The following FAM234A variants were observed in gnomAD, a reference collection of about 807,000 sequenced individuals.
FAM234A encodes the protein protein FAM234A.
Under a neutral mutation model 49.1 loss-of-function variants are expected in FAM234A, and 42 were observed. The ratio of observed to expected loss-of-function variants is 0.86; its 90% CI spans 0.67 to 1.11. The LOEUF is 1.11. Ranked by LOEUF, FAM234A falls within the 50% of genes least tolerant of loss-of-function variation. The pLI is 0.00. For synonymous variants in FAM234A, 369 were observed against 316.2 expected (o/e 1.17, Z -1.77); for missense variants, 815 against 745.2 (o/e 1.09, Z -1.09).
intron 8 of FAM234A, among the ~76,000 whole-genome samples, chr16:262,883 G>A (rs1225255813): frequency 6.7e-5 from 10 of 149,268 alleles, no homozygotes; most frequent in Middle Eastern, 3.4e-3. Flanking sequence ...GCAGTGGTGC[G>A]ATCTCGGTTC....
chr16:265,448 TC>T lies in FAM234A; in HGVS notation c.*431del. 1.0e-6 allele frequency: 1 copy of T among 999,998 alleles called. No homozygotes were observed. The highest frequency in any genetic ancestry group is 1.2e-6 in the Non-Finnish European group (1 of 839,898). 61.9% of individuals were successfully genotyped at this position (999,998 alleles called of 1,614,324 possible). ...ACCAGGGTGTCCCCGGGACAGGCCG[TC>T]CCCCACCCCATCCTGTAGAAGTCCA... On this transcript the variant is annotated 3_prime_UTR_variant, in exon 13 of 13. Coordinates refer to ENST00000399932, the MANE Select transcript of FAM234A (RefSeq NM_032039.4).
chr16:263,678 C>T (rs199534961), intron 9 of FAM234A, 22 bp from the exon 10 acceptor site: 108 of 1,590,838 alleles, frequency 6.8e-5, no homozygotes, highest in Middle Eastern at 3.3e-4. Flanking sequence ...CCCTCGTGAG[C>T]GCTTCCTCCA....
intron 1 of FAM234A, among the ~76,000 whole-genome samples, chr16:244,768 C>G (rs1405709831): frequency 6.7e-6 from 1 of 149,210 alleles, no homozygotes; most frequent in African/African-American, 2.5e-5. Flanking sequence ...GGCCACTGCA[C>G]CCTCTGCCTC....
intron 1 of FAM234A, among the ~76,000 whole-genome samples, chr16:240,500 G>GT (rs975348187): frequency 4.7e-5 from 7 of 147,862 alleles, no homozygotes; most frequent in African/African-American, 1.8e-4. Context: ...GCATCTGGGT[G>GT]TATTTTTTTT....
At chr16:238,122 G>C (rs1339027094) in intron 1 of FAM234A, among the ~76,000 whole-genome samples, 1 of 152,010 alleles carries the variant, frequency 6.6e-6, no homozygotes, top group South Asian at 2.1e-4. Context: ...AGGTTCAAGC[G>C]ATTCTCCTGC....
chr16:243,971 G>T (rs1422569939), intron 1 of FAM234A, among the ~76,000 whole-genome samples: 3 of 149,734 alleles, frequency 2.0e-5, no homozygotes, highest in African/African-American at 4.9e-5. Flanking sequence ...AAAGGAAAAT[G>T]ATTTTTTTTT....
At chr16:239,014 G>A (rs1334727495) in intron 1 of FAM234A, among the ~76,000 whole-genome samples, 2 of 147,458 alleles carry the variant, frequency 1.4e-5, no homozygotes, top group Admixed American at 6.9e-5. Context: ...CCCAGGAGGC[G>A]GAGGTTGCGG....
intron 1 of FAM234A, among the ~76,000 whole-genome samples, chr16:244,144 A>G (rs993567423): frequency 3.3e-5 from 5 of 151,722 alleles, no homozygotes; most frequent in Admixed American, 6.6e-5. Flanking sequence ...AATTTTTTCT[A>G]TCTTTAGTAG....
chr16:242,847 T>TGC (rs1470482579), intron 1 of FAM234A, among the ~76,000 whole-genome samples: 1 of 151,906 alleles, frequency 6.6e-6, no homozygotes, highest in African/African-American at 2.4e-5. Context: ...CTCCTGACCT[T>TGC]GCGATCCACC....
At chr16:257,905 T>A (rs1435831448) in intron 3 of FAM234A, among the ~76,000 whole-genome samples, 1 of 152,068 alleles carries the variant, frequency 6.6e-6, no homozygotes, top group African/African-American at 2.4e-5. Flanking sequence ...TCGCCCAGGC[T>A]GGAGTGCGGT....
intron 8 of FAM234A, 57 bp from the exon 9 acceptor site, chr16:263,205 G>A: frequency 1.3e-6 from 2 of 1,593,096 alleles, no homozygotes; most frequent in East Asian, 2.2e-5. Flanking sequence ...AGCCTCCACT[G>A]GGTGCCTGAG....
chr16:259,424 G>T, intron 3 of FAM234A, 59 bp from the exon 4 acceptor site: 1 of 987,908 alleles, frequency 1.0e-6, no homozygotes, highest in Non-Finnish European at 1.6e-6. Flanking sequence ...TGCTGGACCT[G>T]ATCGTTCCTG....
chr16:254,001 G>C (rs1305458269), intron 2 of FAM234A: 1 of 226,008 alleles, frequency 4.4e-6, no homozygotes, highest in Non-Finnish European at 8.8e-6. Context: ...TTTTCCATCT[G>C]TGCTTGAGGC....
rs189379813 is a variant in FAM234A, at chr16:258,733, G to A, written c.269-750G>A. Among the ~76,000 whole-genome samples the A allele has an allele frequency of 4.7e-3, 712 of 152,280 alleles. 8 individuals carry two copies. Among genetic ancestry groups the A allele is most frequent in the African/African-American group, 0.016 (648 of 41,566 alleles). ...TCCTCACTTCCCAGTAGGGGTGGCC[G>A]GGCAGAGGCGCCCCTCACCTCCCGG... On this transcript the variant is annotated intron_variant, in intron 3 of 12. Coordinates refer to ENST00000399932, the MANE Select transcript of FAM234A (RefSeq NM_032039.4).
chr16:252,002 CAAAAA>C (rs1203781848), intron 2 of FAM234A, among the ~76,000 whole-genome samples: 2 of 48,068 alleles, frequency 4.2e-5, no homozygotes, highest in African/African-American at 7.8e-5. Flanking sequence ...GACTCCGTCT[CAAAAA>C]AAAAAAAAAA....
At chr16:258,412 C>T (rs1031677996) in intron 3 of FAM234A, among the ~76,000 whole-genome samples, 1 of 152,182 alleles carries the variant, frequency 6.6e-6, no homozygotes, top group Admixed American at 6.5e-5. Context: ...TTGCACCGCC[C>T]TTAATCCATT....
chr16:261,518 C>T lies in FAM234A; in HGVS notation c.708+4C>T. On this transcript the variant is annotated splice_donor_region_variant and intron_variant, in intron 6 of 12. Coordinates refer to ENST00000399932, the MANE Select transcript of FAM234A (RefSeq NM_032039.4). ...TCTCACCCAGGAGCGGGAGGAGGTA[C>T]ATCCCAGCCTGGCTCTGCTCCCAAG... The T allele has an allele frequency of 6.3e-7, 1 of 1,594,436 alleles. No individual in the cohort carries two copies.
chr16:262,426 A>G lies in FAM234A; in HGVS notation c.844A>G (p.Ser282Gly). 1 of 1,598,466 alleles carries G rather than the reference A, an allele frequency of 6.3e-7. No homozygotes were observed. The highest frequency in any genetic ancestry group is 8.5e-7 in the Non-Finnish European group (1 of 1,171,778). Residue 282 changes from serine (S) to glycine (G), a missense_variant and splice_region_variant, in exon 8 of 13, where the codon AGC (serine) becomes GGC (glycine). Ser to Gly is a moderately conservative substitution (Grantham distance 56). Coordinates refer to ENST00000399932, the MANE Select transcript of FAM234A (RefSeq NM_032039.4). ...GGGCCCTTCTGTGTTTTGAATAGCAAGCTCCCTCTGCGGCTGCTCTGTGAA... is the reference window on the plus strand; with the variant it reads ...GGGCCCTTCTGTGTTTTGAATAGCAGGCTCCCTCTGCGGCTGCTCTGTGAA... ...GAHYILFPCA[S>G]SLCGCSVKGL...
intron 7 of FAM234A, 61 bp from the exon 8 acceptor site, chr16:262,363 C>T (rs1164717753): frequency 6.4e-6 from 10 of 1,556,574 alleles, no homozygotes; most frequent in African/African-American, 1.4e-5. Flanking sequence ...GCACTGCGTG[C>T]CCCTGGTCCG....
Sources: gnomAD v4.1 joint callset for allele counts (sites outside exome capture counted in the v4.1 genomes callset) on GRCh38, gnomAD v4.1.1 for gene constraint, MANE v1.5 for transcripts, NCBI Gene and HGNC (gene_info 2026-07-23, HGNC 2026-07-21) for gene names.